CSMD3: variants seen among roughly 807,000 people sequenced by gnomAD.
CSMD3 encodes the protein CUB and sushi domain-containing protein 3.
In CSMD3, 177 loss-of-function variants were observed where a neutral mutation model predicts 435.2. The observed-to-expected ratio is 0.41, with a 90% CI of 0.36 to 0.46. The LOEUF (loss-of-function observed/expected upper bound fraction) is 0.46. Among genes scored for constraint, CSMD3 ranks in the 20% least tolerant of loss-of-function variants. The pLI is 0.34. For missense variants in CSMD3, 4,265 were observed against 4,504.6 expected (o/e 0.95, Z 1.52); for synonymous variants, 1,656 against 1,520.5 (o/e 1.09, Z -2.07).
chr8:112,820,904 T>A (rs2079512512), intron 12 of CSMD3, among the ~76,000 whole-genome samples: 1 of 152,184 alleles, frequency 6.6e-6, no homozygotes, highest in Admixed American at 6.6e-5. Flanking sequence ...ACATGCAGTG[T>A]TTGGTTTTCT....
At chr8:113,220,166 A>C (rs2092950375) in intron 3 of CSMD3, among the ~76,000 whole-genome samples, 1 of 151,428 alleles carries the variant, frequency 6.6e-6, no homozygotes, top group African/African-American at 2.4e-5. Context: ...ACTGCAGGTG[A>C]AGATTACAGA....
chr8:112,549,408 A>G (rs2131181521), intron 27 of CSMD3, among the ~76,000 whole-genome samples: 1 of 152,136 alleles, frequency 6.6e-6, no homozygotes, highest in African/African-American at 2.4e-5. Flanking sequence ...ATTTAGAGAT[A>G]TTGACTTTTC....
At chr8:112,679,800 G>A (rs544686595) in intron 16 of CSMD3, among the ~76,000 whole-genome samples, 13 of 152,192 alleles carry the variant, frequency 8.5e-5, no homozygotes, top group African/African-American at 3.1e-4. Context: ...TGTATGTGTC[G>A]ACTGAGATTT....
chr8:112,545,495 A>ATAATAAT (rs1172341909), intron 27 of CSMD3, among the ~76,000 whole-genome samples: 1 of 141,940 alleles, frequency 7.0e-6, no homozygotes, highest in African/African-American at 2.7e-5. Context: ...AAAAAAAAAA[A>ATAATAAT]AAAAAAAATA....
At chr8:113,181,647 T>C (rs1166413794) in intron 3 of CSMD3, among the ~76,000 whole-genome samples, 2 of 152,042 alleles carry the variant, frequency 1.3e-5, no homozygotes, top group African/African-American at 4.8e-5. Context: ...GTTAACATAG[T>C]TGGGTGAAAG....
chr8:112,470,736 G>C (rs555473246), intron 32 of CSMD3, among the ~76,000 whole-genome samples: 2 of 152,028 alleles, frequency 1.3e-5, no homozygotes, highest in Admixed American at 6.6e-5. Context: ...AAGAGATTAC[G>C]TAACTTGTCC....
At chr8:113,078,624 C>A (rs1040202110) in intron 5 of CSMD3, among the ~76,000 whole-genome samples, 1 of 152,116 alleles carries the variant, frequency 6.6e-6, no homozygotes, top group Admixed American at 6.5e-5. Flanking sequence ...AGGGTCACAT[C>A]TTCTGGTTAA....
intron 2 of CSMD3, among the ~76,000 whole-genome samples, chr8:113,292,848 T>C (rs985551159): frequency 6.6e-6 from 1 of 151,726 alleles, no homozygotes; most frequent in Non-Finnish European, 1.5e-5. Context: ...TGAACTAATA[T>C]GTTAAAAATA....
chr8:112,698,674 C>A (rs1320092541), intron 13 of CSMD3, among the ~76,000 whole-genome samples: 1 of 152,096 alleles, frequency 6.6e-6, no homozygotes, highest in East Asian at 1.9e-4. Flanking sequence ...AACCATCAAA[C>A]AAAGATAATG....
At chr8:113,138,377 G>A (rs2091467039) in intron 4 of CSMD3, among the ~76,000 whole-genome samples, 2 of 151,410 alleles carry the variant, frequency 1.3e-5, no homozygotes, top group Admixed American at 1.3e-4. Context: ...GCTTATAAAT[G>A]CTGGCAAATT....
At chr8:112,906,454 G>GCAAC (rs1182073429) in intron 10 of CSMD3, among the ~76,000 whole-genome samples, 1 of 150,862 alleles carries the variant, frequency 6.6e-6, no homozygotes. Flanking sequence ...AAGCAAGCAA[G>GCAAC]CAACCAACCA....
chr8:112,933,728 T>A (rs550323465), intron 9 of CSMD3, among the ~76,000 whole-genome samples: 1 of 152,032 alleles, frequency 6.6e-6, no homozygotes, highest in South Asian at 2.1e-4. Context: ...AATTCGACAT[T>A]TTTTTTATGG....
intron 59 of CSMD3, among the ~76,000 whole-genome samples, chr8:112,275,928 A>G (rs1817996259): frequency 6.6e-6 from 1 of 152,202 alleles, no homozygotes; most frequent in South Asian, 2.1e-4. Flanking sequence ...ATGCCTTCCC[A>G]ATAGTTCCCA....
At chr8:113,254,736 A>C (rs1646849361) in intron 3 of CSMD3, among the ~76,000 whole-genome samples, 2 of 150,390 alleles carry the variant, frequency 1.3e-5, no homozygotes, top group African/African-American at 2.5e-5. Flanking sequence ...ATTTCTTTTT[A>C]AATGAAGTAT....
chr8:112,927,764 A>G (rs1046850836), intron 9 of CSMD3, among the ~76,000 whole-genome samples: 1 of 152,068 alleles, frequency 6.6e-6, no homozygotes, highest in African/African-American at 2.4e-5. Context: ...AATTAATGTC[A>G]TTCTTTTGCA....
intron 13 of CSMD3, among the ~76,000 whole-genome samples, chr8:112,699,760 G>A (rs1293341094): frequency 6.6e-6 from 1 of 152,112 alleles, no homozygotes; most frequent in African/African-American, 2.4e-5. Flanking sequence ...CCTATGCCTG[G>A]ATATGGGAAA....
intron 22 of CSMD3, among the ~76,000 whole-genome samples, chr8:112,611,201 C>A (rs16883867): frequency 0.021 from 3,203 of 152,234 alleles, 119 homozygotes; most frequent in African/African-American, 0.071. Flanking sequence ...TGCAGGTAAA[C>A]CTTGACTTTA....
chr8:113,204,678 T>C (rs760446024), intron 3 of CSMD3, among the ~76,000 whole-genome samples: 5 of 152,132 alleles, frequency 3.3e-5, no homozygotes, highest in Non-Finnish European at 7.4e-5. Flanking sequence ...AGGTGTCCTA[T>C]TTTAAAAAAT....
At chr8:112,851,831 C>T (rs1226991151) in intron 11 of CSMD3, among the ~76,000 whole-genome samples, 1 of 151,812 alleles carries the variant, frequency 6.6e-6, no homozygotes, top group Non-Finnish European at 1.5e-5. Context: ...CTACTCAATA[C>T]ATACTTATTT....
Sources: allele counts gnomAD v4.1 joint callset (sites outside exome capture counted in the v4.1 genomes callset), GRCh38; gene constraint gnomAD v4.1.1; transcripts MANE v1.5; gene names NCBI Gene and HGNC (gene_info 2026-07-23, HGNC 2026-07-21).